BCR: variants seen among roughly 807,000 people sequenced by gnomAD.
BCR encodes breakpoint cluster region protein.
BCR carries 58 observed loss-of-function variants against 138.6 expected under a neutral mutation model. The ratio of observed to expected loss-of-function variants is 0.42; its 90% CI spans 0.34 to 0.52. BCR has a LOEUF of 0.52. Ranked by LOEUF, BCR falls within the 20% of genes least tolerant of loss-of-function variation. BCR has a pLI of 0.06. For missense variants in BCR, 1,599 were observed against 1,727.2 expected, an observed-to-expected ratio of 0.93 and a Z score of 1.32; for synonymous variants, 786 against 730.1, an observed-to-expected ratio of 1.08 and a Z score of -1.23.
At position 23,229,193 on chromosome 22, in the gene BCR, T is replaced by C. The variant is rs1056045227; in HGVS notation, c.1280-24606T>C. ...TATTTTTTGGTTCTAAAATTCCTAT[T>C]TGGTTCTTTTTTATAGCTTCTATTT... On this transcript the variant is annotated intron_variant, in intron 1 of 22. Transcript: ENST00000305877. 3.3e-4 allele frequency among the ~76,000 whole-genome samples: 50 copies of C among 152,236 alleles called. 1 individual carries two copies. The highest frequency in any genetic ancestry group is 1.2e-3 in the African/African-American group (49 of 41,462).
chr22:23,213,953 C>A (rs2146223186), intron 1 of BCR, among the ~76,000 whole-genome samples: 1 of 152,104 alleles, frequency 6.6e-6, no homozygotes, highest in South Asian at 2.1e-4. Context: ...AAAATGCATG[C>A]CTGATAATGG....
rs778796826 is a variant in BCR, at chr22:23,181,521, C to G, written c.561C>G (p.Gly187=). 40 of 1,612,714 alleles carry G rather than the reference C, an allele frequency of 2.5e-5. No homozygotes were observed. Among genetic ancestry groups the G allele is most frequent in the Non-Finnish European group, 3.4e-5 (40 of 1,179,844 alleles). Residue 187 remains glycine (G), a synonymous_variant, in exon 1 of 23, where the codon GGC becomes GGG. Transcript: ENST00000305877. ...ACGTCGAGTTTCACCACGAGCGCGG[C>G]CTGGTGAAGGTCAACGACAAAGAGG... ...YVNVEFHHER[G]LVKVNDKEVS...
chr22:23,197,774 G>A (rs1034025526), intron 1 of BCR, among the ~76,000 whole-genome samples: 16 of 152,104 alleles, frequency 1.1e-4, no homozygotes, highest in African/African-American at 3.9e-4. Context: ...TGTGTGTGAT[G>A]GTCCAGTGGG....
At chr22:23,284,807 C>A (rs772113238) in intron 9 of BCR, among the ~76,000 whole-genome samples, 4 of 152,216 alleles carry the variant, frequency 2.6e-5, no homozygotes, top group Non-Finnish European at 5.9e-5. Flanking sequence ...ATCTAGACTC[C>A]TGAGATGCCT....
chr22:23,207,622 C>T (rs532081756), intron 1 of BCR, among the ~76,000 whole-genome samples: 1 of 152,198 alleles, frequency 6.6e-6, no homozygotes, highest in African/African-American at 2.4e-5. Context: ...GACCCTGTCT[C>T]TGAAAAACAA....
At chr22:23,315,348 G>T in intron 22 of BCR, 85 bp from the exon 23 acceptor site, 1 of 1,228,368 alleles carries the variant, frequency 8.1e-7, no homozygotes. Context: ...AGATGGACTT[G>T]GAGGCTTGGG....
At chr22:23,256,733 G>A (rs1051870638) in intron 2 of BCR, among the ~76,000 whole-genome samples, 2 of 152,112 alleles carry the variant, frequency 1.3e-5, no homozygotes, top group South Asian at 4.1e-4. Context: ...TTTGCACTCT[G>A]CCCTGTCCTG....
intron 1 of BCR, among the ~76,000 whole-genome samples, chr22:23,210,064 G>T (rs992844133): frequency 1.3e-5 from 2 of 152,094 alleles, no homozygotes; most frequent in Admixed American, 6.5e-5. Context: ...CTAGAAAAAA[G>T]AAATTATGGG....
chr22:23,217,787 T>C (rs1429139739), intron 1 of BCR, among the ~76,000 whole-genome samples: 1 of 152,234 alleles, frequency 6.6e-6, no homozygotes, highest in Non-Finnish European at 1.5e-5. Flanking sequence ...AAACCGCACT[T>C]TGCCTACGTG....
chr22:23,281,953 G>T (rs1199104467), intron 8 of BCR, among the ~76,000 whole-genome samples: 5 of 152,232 alleles, frequency 3.3e-5, no homozygotes, highest in African/African-American at 1.2e-4. Context: ...TTGACCGCAG[G>T]CAGAGTGGGC....
At chr22:23,262,225 C>G (rs1209402163) in intron 4 of BCR, among the ~76,000 whole-genome samples, 3 of 152,258 alleles carry the variant, frequency 2.0e-5, no homozygotes, top group Non-Finnish European at 4.4e-5. Context: ...CCAGGCCCCC[C>G]TCTAAGTGTG....
chr22:23,240,339 GTGTGTC>G (rs1426186324), intron 1 of BCR, among the ~76,000 whole-genome samples: 1 of 135,788 alleles, frequency 7.4e-6, no homozygotes, highest in Admixed American at 7.4e-5. Flanking sequence ...GTGTGTGTGT[GTGTGTC>G]TGTCTATGTG....
intron 4 of BCR, among the ~76,000 whole-genome samples, chr22:23,266,402 C>G (rs569997884): frequency 7.6e-4 from 114 of 149,172 alleles, no homozygotes; most frequent in African/African-American, 2.7e-3. Flanking sequence ...TTTTTTTTCC[C>G]TTTTGGAGAT....
At chr22:23,235,375 C>T (rs984866385) in intron 1 of BCR, among the ~76,000 whole-genome samples, 2 of 144,946 alleles carry the variant, frequency 1.4e-5, no homozygotes, top group African/African-American at 2.4e-5. Context: ...CCACCATGCC[C>T]GGCCTTCTCC....
chr22:23,187,960 G>A (rs942315423), intron 1 of BCR, among the ~76,000 whole-genome samples: 4 of 152,150 alleles, frequency 2.6e-5, no homozygotes, highest in Admixed American at 6.5e-5. Context: ...TTTGAATTCC[G>A]GTGATGAGTT....
At chr22:23,304,872 T>A (rs545967341) in intron 16 of BCR, among the ~76,000 whole-genome samples, 1 of 152,256 alleles carries the variant, frequency 6.6e-6, no homozygotes, top group South Asian at 2.1e-4. Context: ...CCCAGCACTT[T>A]AGGAGGCCAA....
chr22:23,201,607 A>G (rs541374029), intron 1 of BCR, among the ~76,000 whole-genome samples: 9 of 152,158 alleles, frequency 5.9e-5, no homozygotes, highest in Admixed American at 1.3e-4. Flanking sequence ...ACAGGCACCC[A>G]CCACCATGCC....
intron 1 of BCR, among the ~76,000 whole-genome samples, chr22:23,238,048 G>A (rs890979250): frequency 2.6e-5 from 4 of 152,124 alleles, no homozygotes; most frequent in African/African-American, 4.8e-5. Flanking sequence ...TTGACACCTC[G>A]CAGGGAGCGT....
intron 1 of BCR, among the ~76,000 whole-genome samples, chr22:23,246,708 T>TA (rs1389367027): frequency 6.6e-6 from 1 of 152,132 alleles, no homozygotes; most frequent in Non-Finnish European, 1.5e-5. Context: ...CAAGAGATGA[T>TA]ACGTGGGTTT....
Sources: gnomAD v4.1 joint callset for allele counts (sites outside exome capture counted in the v4.1 genomes callset) on GRCh38, gnomAD v4.1.1 for gene constraint, MANE v1.5 for transcripts, NCBI Gene and HGNC (gene_info 2026-07-23, HGNC 2026-07-21) for gene names.